Variants in MINDY3 observed in about 807,000 individuals in gnomAD.
MINDY3 encodes the protein ubiquitin carboxyl-terminal hydrolase MINDY-3.
Under a neutral mutation model 69.2 loss-of-function variants are expected in MINDY3, and 38 were observed. The observed-to-expected ratio is 0.55, with a 90% confidence interval of 0.42 to 0.72. MINDY3 has a LOEUF of 0.72. Among genes scored for constraint, MINDY3 ranks in the 30% least tolerant of loss-of-function variants. The pLI, the probability that MINDY3 is intolerant of heterozygous loss-of-function variation, is 0.00. For synonymous variants in MINDY3, 192 were observed against 180.1 expected (o/e 1.07, Z -0.53); for missense variants, 522 against 519.0 (o/e 1.01, Z -0.06).
chr10:15,860,065 G>T, intron 1 of MINDY3, 141 bp downstream of exon 1: 1 of 660,400 alleles, frequency 1.5e-6, no homozygotes, highest in Non-Finnish European at 2.7e-6. Flanking sequence ...GGCGTGTCTA[G>T]AAAGTCCAGC....
intron 1 of MINDY3, among the ~76,000 whole-genome samples, chr10:15,850,523 G>A (rs557716101): frequency 1.6e-4 from 25 of 152,240 alleles, no homozygotes; most frequent in African/African-American, 6.0e-4. Flanking sequence ...CTCGGGGAGT[G>A]TCTTATACAG....
At position 15,805,103 on chromosome 10, in the gene MINDY3, TAA is replaced by T. The variant is rs775534360; in HGVS notation, c.883-8933_883-8932del. ...TCATCTACTCTTGTGCCATAATTAT[TAA>T]AATCATTAATGAGTGAGCTGCTGAC... On this transcript the variant is annotated intron_variant, in intron 10 of 14. Transcript: ENST00000277632. 7.1e-4 allele frequency among the ~76,000 whole-genome samples: 108 copies of T among 152,252 alleles called. 1 individual carries two copies. The highest frequency in any genetic ancestry group is 1.4e-3 in the Non-Finnish European group (93 of 68,018).
chr10:15,779,924 A>G (rs1180645505), intron 14 of MINDY3, among the ~76,000 whole-genome samples: 1 of 152,216 alleles, frequency 6.6e-6, no homozygotes, highest in African/African-American at 2.4e-5. Flanking sequence ...CATATCAACA[A>G]AAACCCTAAC....
At chr10:15,802,646 AC>A (rs1261568543) in intron 10 of MINDY3, among the ~76,000 whole-genome samples, 1 of 152,120 alleles carries the variant, frequency 6.6e-6, no homozygotes, top group Admixed American at 6.6e-5. Flanking sequence ...GTAACTCAAA[AC>A]CCTGTATGTG....
intron 10 of MINDY3, among the ~76,000 whole-genome samples, chr10:15,807,973 T>C (rs1230097378): frequency 6.6e-6 from 1 of 152,200 alleles, no homozygotes; most frequent in Non-Finnish European, 1.5e-5. Flanking sequence ...ATTATTGTGG[T>C]ACAAGTCATT....
chr10:15,857,483 T>C (rs1169330317), intron 1 of MINDY3, among the ~76,000 whole-genome samples: 1 of 152,124 alleles, frequency 6.6e-6, no homozygotes, highest in Non-Finnish European at 1.5e-5. Flanking sequence ...GTGTAGTTTG[T>C]GGGAAGGGGG....
In MINDY3 at chr10:15,835,057, G is replaced by C. The variant is rs371382624; in HGVS notation, c.577-441C>G. On this transcript the variant is annotated intron_variant, in intron 6 of 14. Coordinates refer to ENST00000277632, the MANE Select transcript of MINDY3 (RefSeq NM_024948.4). ...AGAGATATAACATTAAATAATTTGC[G>C]TTTTAATTATTTAACTGGTACATAA... Among the ~76,000 whole-genome samples the C allele has an allele frequency of 7.9e-5, 12 of 152,100 alleles. No homozygotes were observed. The East Asian group carries it at 2.3e-3, about 29-fold the overall frequency.
At chr10:15,833,477 T>C (rs974775301) in intron 8 of MINDY3, among the ~76,000 whole-genome samples, 153 bp downstream of exon 8, 8 of 152,174 alleles carry the variant, frequency 5.3e-5, no homozygotes, top group Non-Finnish European at 1.2e-4. Flanking sequence ...GGTCTTAACA[T>C]TATGGTGCCT....
At chr10:15,826,154 A>T (rs891172291) in intron 8 of MINDY3, among the ~76,000 whole-genome samples, 7 of 152,200 alleles carry the variant, frequency 4.6e-5, no homozygotes, top group African/African-American at 1.7e-4. Context: ...GAGGAGAAAG[A>T]CCACAAAAGG....
At position 15,849,316 on chromosome 10, in the gene MINDY3, C is replaced by T. The variant is rs373241759; in HGVS notation, c.95-1373G>A. On this transcript the variant is annotated intron_variant, in intron 1 of 14. Coordinates refer to ENST00000277632, the MANE Select transcript of MINDY3 (RefSeq NM_024948.4). ...AATTTAACACAGCTAAAGGGTAGTA[C>T]GGGGGTAGGATGGAGGTGCCAGCAA... 1.1e-4 allele frequency among the ~76,000 whole-genome samples: 16 copies of T among 151,880 alleles called. No homozygotes were observed. In the East Asian group the frequency reaches 1.7e-3, roughly 17 times the overall value.
intron 1 of MINDY3, among the ~76,000 whole-genome samples, chr10:15,849,448 T>G (rs1240982700): frequency 4.7e-4 from 70 of 148,410 alleles, no homozygotes; most frequent in African/African-American, 1.7e-3. Context: ...TCTTACTGGT[T>G]TTTTTTTTTT....
At chr10:15,803,863 T>C (rs1306709414) in intron 10 of MINDY3, among the ~76,000 whole-genome samples, 1 of 152,104 alleles carries the variant, frequency 6.6e-6, no homozygotes, top group Non-Finnish European at 1.5e-5. Context: ...GAATGATAAT[T>C]AAGTAAAGGG....
chr10:15,831,862 G>C (rs992736069), intron 8 of MINDY3, among the ~76,000 whole-genome samples: 4 of 152,046 alleles, frequency 2.6e-5, no homozygotes, highest in Admixed American at 6.6e-5. Flanking sequence ...TTCTAGTAGA[G>C]ACGGGGTTTC....
At chr10:15,846,914 G>A (rs1036280711) in intron 2 of MINDY3, among the ~76,000 whole-genome samples, 4 of 151,988 alleles carry the variant, frequency 2.6e-5, no homozygotes, top group South Asian at 4.2e-4. Flanking sequence ...TAGTAGAGAC[G>A]GGGTTTCACC....
chr10:15,846,098 C>A (rs1195233332), intron 2 of MINDY3, among the ~76,000 whole-genome samples: 2 of 152,162 alleles, frequency 1.3e-5, no homozygotes, highest in African/African-American at 4.8e-5. Flanking sequence ...GCTGGGATTA[C>A]AGGCATGAGC....
chr10:15,838,342 G>T, intron 4 of MINDY3, 63 bp from the exon 5 acceptor site: 2 of 1,407,172 alleles, frequency 1.4e-6, no homozygotes, highest in Non-Finnish European at 1.9e-6. Context: ...GATACACACA[G>T]CAGGCTGTAA....
In MINDY3 at chr10:15,786,647, T is replaced by C. The variant is rs1312796876; in HGVS notation, c.1030A>G (p.Ile344Val). The change falls in exon 13 of 15, where the codon ATA becomes GTA. Residue 344 changes from isoleucine (I) to valine (V), a missense_variant and splice_region_variant. Transcript: ENST00000277632. ...TCTAATTTATTCTTCATGAGATTTA[T>C]ACTACGGGGAGAAAGAAGAAAAACA... is the stretch of plus-strand genomic sequence containing the variant. The part of the protein sequence containing the change: ...ALDLVSDPEY[I>V]NLMKNKLDPE... 4 of 1,543,522 alleles carry C rather than the reference T, an allele frequency of 2.6e-6. No homozygotes were observed. Among genetic ancestry groups the C allele is most frequent in the African/African-American group, 2.7e-5 (2 of 72,908 alleles).
chr10:15,779,203 TGAAAACAA>T, intron 14 of MINDY3, 62 bp from the exon 15 acceptor site: 2 of 1,478,778 alleles, frequency 1.4e-6, no homozygotes. Context: ...TTATGTGGAA[TGAAAACAA>T]TTTTTAGAGG....
Position 15,841,523 on chromosome 10 carries a change from T to G in MINDY3, c.312A>C (p.Ser104=). The G allele has an allele frequency of 6.2e-7, 1 of 1,611,908 alleles. No homozygotes were observed. The highest frequency in any genetic ancestry group is 8.5e-7 in the Non-Finnish European group (1 of 1,178,514). ...CTCTTAACCATGAAACCAAGCAGTA[T>G]GATCCAGAGTGGTCACAACAAGCAC... is the stretch of plus-strand genomic sequence containing the variant. ...LESACCDHSG[S]YCLVSWLRGK... The change falls in exon 4 of 15, where the codon TCA becomes TCC. Residue 104 remains serine, a synonymous_variant. Coordinates refer to ENST00000277632, the MANE Select transcript of MINDY3 (RefSeq NM_024948.4).
Sources: allele counts gnomAD v4.1 joint callset (sites outside exome capture counted in the v4.1 genomes callset), GRCh38; gene constraint gnomAD v4.1.1; transcripts MANE v1.5; gene names NCBI Gene and HGNC (gene_info 2026-07-23, HGNC 2026-07-21).